The following ZNF683 variants were observed in gnomAD, a reference collection of about 807,000 sequenced individuals.
ZNF683 encodes the protein tissue-resident T-cell transcription regulator protein ZNF683.
ZNF683 carries 20 observed loss-of-function variants against 31.4 expected under a neutral mutation model. That is an observed-to-expected ratio of 0.64 (90% CI 0.45 to 0.93). ZNF683 has a LOEUF of 0.93. Among genes scored for constraint, ZNF683 ranks in the 40% least tolerant of loss-of-function variants. The probability of loss-of-function intolerance (pLI) is 0.00; values close to 1 mark genes in which losing one functional copy is unlikely to be tolerated. For missense variants in ZNF683, 621 were observed against 637.2 expected, an observed-to-expected ratio of 0.97 and a Z score of 0.27; for synonymous variants, 264 against 267.6, an observed-to-expected ratio of 0.99 and a Z score of 0.13.
At position 26,365,054 on chromosome 1, in the gene ZNF683, T is replaced by C. The variant is rs2074486948; in HGVS notation, c.492A>G (p.Arg164=). ...AGAAAGCCAAGGGGCTGGGGCTCTT[T>C]CTGTTCTGCAGCGGTGGTGGGGAAG... The part of the protein sequence containing the change: ...NSSSPPPLQN[R]KSPSPLAFCP... The change falls in exon 4 of 6, where the codon AGA becomes AGG. Residue 164 remains arginine, a synonymous_variant. Transcript: ENST00000349618. The C allele has an allele frequency of 1.9e-6, 3 of 1,604,472 alleles. No homozygotes were observed. The highest frequency in any genetic ancestry group is 2.6e-6 in the Non-Finnish European group (3 of 1,175,924).
intron 3 of ZNF683, among the ~76,000 whole-genome samples, chr1:26,366,005 A>G (rs2074512337): frequency 6.6e-6 from 1 of 151,614 alleles, no homozygotes; most frequent in Admixed American, 6.6e-5. Flanking sequence ...ACATGGAGAA[A>G]CCCCGTCTCT....
In ZNF683 at chr1:26,367,562, G is replaced by A. The variant is rs1396807969; in HGVS notation, c.319+31C>T. ...CCCCCCACCCTCCAGCCTCTGCCAG[G>A]CGCAGGTGCAGCCCGGTGCCCTGGG... On this transcript the variant is annotated intron_variant, in intron 3 of 5. Coordinates refer to ENST00000349618, the MANE Select transcript of ZNF683 (RefSeq NM_001114759.3). The A allele has an allele frequency of 2.0e-6, 3 of 1,521,004 alleles. 1 individual carries two copies. The South Asian group carries it at 3.9e-5, about 20-fold the overall frequency. The allele number at this position is 1,521,004 out of a possible 1,614,324, so 94.2% of individuals were successfully genotyped here.
rs761434484 is a variant in ZNF683, at chr1:26,362,056, C to T, written c.1144-34G>A. ...AACGAGCACTGGCATCAGCTTTGTC[C>T]TCTGGGCTGGCTCAGGCATTCTACT... On this transcript the variant is annotated intron_variant, in intron 5 of 5. Transcript: ENST00000349618. 1.9e-5 allele frequency: 31 copies of T among 1,614,022 alleles called. No individual in the cohort carries two copies. In the East Asian group the frequency reaches 6.9e-4, roughly 36 times the overall value.
chr1:26,374,258 C>T, upstream of ZNF683: 1 of 1,304,132 alleles, frequency 7.7e-7, no homozygotes, highest in Non-Finnish European at 1.0e-6. Context: ...TCCTCCCCTC[C>T]AAGGCACTTC....
Position 26,364,623 on chromosome 1 carries a change from G to T in ZNF683, c.923C>A (p.Ala308Asp). The T allele has an allele frequency of 6.2e-7, 1 of 1,614,012 alleles. No individual in the cohort carries two copies. Among genetic ancestry groups the T allele is most frequent in the Non-Finnish European group, 8.5e-7 (1 of 1,179,892 alleles). The change falls in exon 4 of 6, where the codon GCC (alanine) becomes GAC (aspartate). Residue 308 changes from alanine (A) to aspartate (D), a missense_variant. Physicochemically the swap from Ala to Asp is moderately radical, Grantham distance 126 (BLOSUM62 -2). Coordinates refer to ENST00000349618, the MANE Select transcript of ZNF683 (RefSeq NM_001114759.3). ...VPLSSQTGTA[A>D]LPYPLKKKNG... ...CTTCTTTTTCAGCGGGTAAGGCAAG[G>T]CTGCGGTGCCTGTCTGGGAACTCAA... is the stretch of plus-strand genomic sequence containing the variant.
chr1:26,363,737 G>GAAAA lies in ZNF683; in HGVS notation c.1015-587_1015-584dup, dbSNP rs61027154. ...GGGCGACAGAATGAGACTCCATATGGAAAAAAAAAAAAAAAAAAAAGATAA... is the reference window on the plus strand; with the variant it reads ...GGGCGACAGAATGAGACTCCATATGGAAAAAAAAAAAAAAAAAAAAAAAAGATAA... On this transcript the variant is annotated intron_variant, in intron 4 of 5. Coordinates refer to ENST00000349618, the MANE Select transcript of ZNF683 (RefSeq NM_001114759.3). Among the ~76,000 whole-genome samples, 16 of 134,942 alleles carry GAAAA rather than the reference G, an allele frequency of 1.2e-4. No individual in the cohort carries two copies. In the South Asian group the frequency reaches 1.5e-3, roughly 12 times the overall value. The allele number at this position is 134,942 out of a possible 152,430, so 88.5% of individuals were successfully genotyped here. A position where few individuals can be genotyped will look rare whatever the true frequency, so the allele number is the denominator to read the frequency against.
At chr1:26,372,312 A>G in intron 1 of ZNF683, among the ~76,000 whole-genome samples, 1 of 152,022 alleles carries the variant, frequency 6.6e-6, no homozygotes, top group East Asian at 1.9e-4. Context: ...TCCTCTGTCT[A>G]CTCATTTTGG....
Position 26,369,525 on chromosome 1 carries a change from G to A in ZNF683, c.-14-940C>T, listed in dbSNP as rs553704116. Among the ~76,000 whole-genome samples, 161 of 151,960 alleles carry A rather than the reference G, an allele frequency of 1.1e-3. 1 individual carries two copies. Among genetic ancestry groups the A allele is most frequent in the Non-Finnish European group, 1.9e-3 (131 of 67,922 alleles). On this transcript the variant is annotated intron_variant, in intron 1 of 5. Transcript: ENST00000349618. ...TCTACCAAAACTACATAAATTAGCC[G>A]GGTGTGGTGGCGCACGCCTGTAATC... is the stretch of plus-strand genomic sequence containing the variant.
intron 1 of ZNF683, among the ~76,000 whole-genome samples, chr1:26,369,323 G>A (rs1342599250): frequency 3.3e-5 from 5 of 151,472 alleles, no homozygotes; most frequent in South Asian, 2.1e-4. Context: ...TCAGGAGTTC[G>A]AGACCAGCCT....
In ZNF683 at chr1:26,364,808, G is replaced by A; in HGVS notation, c.738C>T (p.Pro246=). ...LLMMVNELGH[P]SARWETLLPY... is the part of the protein sequence containing the mutation. Reference sequence around the variant, plus strand: ...GAAGCAGGGTCTCCCACCGAGCGCTGGGGTGCCCCAGCTCATTGACCATCA... The same window carrying A: ...GAAGCAGGGTCTCCCACCGAGCGCTAGGGTGCCCCAGCTCATTGACCATCA... Residue 246 remains proline (P), a synonymous_variant, in exon 4 of 6, where the codon CCC becomes CCT. Coordinates refer to ENST00000349618, the MANE Select transcript of ZNF683 (RefSeq NM_001114759.3). 6 of 1,283,528 alleles carry A rather than the reference G, an allele frequency of 4.7e-6. No individual in the cohort carries two copies. The highest frequency in any genetic ancestry group is 6.3e-6 in the Non-Finnish European group (6 of 954,420). The allele number at this position is 1,283,528 out of a possible 1,614,324, so 79.5% of individuals were successfully genotyped here.
At position 26,364,934 on chromosome 1, in the gene ZNF683, G is replaced by A. The variant is rs1468483928; in HGVS notation, c.612C>T (p.His204=). 6.4e-7 allele frequency: 1 copy of A among 1,554,510 alleles called. No individual in the cohort carries two copies. The highest frequency in any genetic ancestry group is 8.7e-7 in the Non-Finnish European group (1 of 1,153,912). ...AAGGTAGGGCCCCATAGGTGAACAG[G>A]TGGGGTGGAGGCAGGAGAAGTGGGT... ...PGYPLLLPPP[H]LFTYGALPSD... The change falls in exon 4 of 6, where the codon CAC becomes CAT. Residue 204 remains histidine, a synonymous_variant. Transcript: ENST00000349618.
rs534531990 is a variant in ZNF683, at chr1:26,363,026, C to T, written c.1143G>A (p.Ser381=). Residue 381 remains serine (S), a splice_region_variant and synonymous_variant, in exon 5 of 6, where the codon TCG becomes TCA. Transcript: ENST00000349618. ...CATAGTAGGGGGAGAAGGATCTCAC[C>T]GAGCACTTGTGGGGCCGCTCCCCAG... The part of the protein sequence containing the change: ...VHTGERPHKC[S]VCHKRFSSSS... 6.0e-5 allele frequency: 96 copies of T among 1,608,654 alleles called. 1 individual carries two copies. In the South Asian group the frequency reaches 8.0e-4, roughly 13 times the overall value.
In ZNF683 at chr1:26,365,034, GC is replaced by G. The variant is rs746527844; in HGVS notation, c.511del (p.Ala171LeufsTer67). On this transcript the variant is annotated frameshift_variant, in exon 4 of 6. Coordinates refer to ENST00000349618, the MANE Select transcript of ZNF683 (RefSeq NM_001114759.3). LOFTEE classifies it high-confidence loss of function. Reference sequence around the variant, plus strand: ...GTTGACAGGGGGACAGGGGCAGAAAGCCAAGGGGCTGGGGCTCTTTCTGTTC... The same window carrying G: ...GTTGACAGGGGGACAGGGGCAGAAAGCAAGGGGCTGGGGCTCTTTCTGTTC... ...LQNRKSPSPL[A>X]FCPCPPVNSI... is the part of the protein sequence containing the mutation. The G allele has an allele frequency of 1.3e-6, 2 of 1,594,184 alleles. No homozygotes were observed. The highest frequency in any genetic ancestry group is 2.3e-5 in the South Asian group (2 of 87,738).
Position 26,367,663 on chromosome 1 carries a change from G to A in ZNF683, c.249C>T (p.Asn83=). The A allele has an allele frequency of 1.2e-6, 2 of 1,612,902 alleles. No individual in the cohort carries two copies. The highest frequency in any genetic ancestry group is 8.5e-7 in the Non-Finnish European group (1 of 1,179,752). The change falls in exon 3 of 6, where the codon AAC becomes AAT. Residue 83 remains asparagine, a synonymous_variant. Coordinates refer to ENST00000349618, the MANE Select transcript of ZNF683 (RefSeq NM_001114759.3). ...GGGGTGCCGGCTGTGGGGTGCACAG[G>A]TTCAGGTCCAGGTCCTGTAGGCAGG... is the stretch of plus-strand genomic sequence containing the variant. The part of the protein sequence containing the change: ...LLACLQDLDL[N]LCTPQPAPLG...
Position 26,364,861 on chromosome 1 carries a change from G to A in ZNF683, c.685C>T (p.Pro229Ser). 4 of 1,556,274 alleles carry A rather than the reference G, an allele frequency of 2.6e-6. No individual in the cohort carries two copies. The highest frequency in any genetic ancestry group is 3.5e-6 in the Non-Finnish European group (4 of 1,152,406). ...LLMLPQDPSY[P>S]TMAMPSLLMM... is the part of the protein sequence containing the mutation. ...AGCAGGCTAGGCATAGCCATGGTGG[G>A]GTAGGAGGGGTCTTGGGGCAGCATG... Residue 229 changes from proline to serine, a missense_variant, in exon 4 of 6, where the codon CCC becomes TCC. Coordinates refer to ENST00000349618, the MANE Select transcript of ZNF683 (RefSeq NM_001114759.3).
chr1:26,365,329 C>A, intron 3 of ZNF683, 103 bp from the exon 4 acceptor site: 3 of 1,202,848 alleles, frequency 2.5e-6, no homozygotes, highest in East Asian at 2.6e-5. Context: ...CTCCAGCCTG[C>A]GAGCCTGCTA....
chr1:26,372,745 G>T lies in ZNF683; in HGVS notation c.-91C>A. On this transcript the variant is annotated 5_prime_UTR_variant, in exon 1 of 6. Transcript: ENST00000349618. The stretch of plus-strand genomic sequence containing the variant: ...ATCTGCTCAGGTTCCTCAGTTAGAA[G>T]ACCATGGTCCTCCCTTTGTGCTACC... 1 of 1,219,086 alleles carries T rather than the reference G, an allele frequency of 8.2e-7. No homozygotes were observed. Among genetic ancestry groups the T allele is most frequent in the Non-Finnish European group, 1.0e-6 (1 of 955,036 alleles). The allele number at this position is 1,219,086 out of a possible 1,614,324, so 75.5% of individuals were successfully genotyped here. A position where few individuals can be genotyped will look rare whatever the true frequency, so the allele number is the denominator to read the frequency against.
At position 26,364,193 on chromosome 1, in the gene ZNF683, T is replaced by A. The variant is rs144532813; in HGVS notation, c.1014+339A>T. The stretch of plus-strand genomic sequence containing the variant: ...AGTCCAGAAAGGATGGTTGTCCAGG[T>A]AAGGGCTTTCTTTGCCCAGAGCAAA... On this transcript the variant is annotated intron_variant, in intron 4 of 5. Transcript: ENST00000349618. 8.8e-3 allele frequency among the ~76,000 whole-genome samples: 1,342 copies of A among 152,336 alleles called. 20 individuals are homozygous for A. Among genetic ancestry groups the A allele is most frequent in the African/African-American group, 0.031 (1,282 of 41,572 alleles).
At chr1:26,374,356 T>C, upstream of ZNF683, 1 of 1,294,248 alleles carries the variant, frequency 7.7e-7, no homozygotes, top group Non-Finnish European at 1.0e-6. Context: ...TTGCACAACC[T>C]CTCTGTTAGA....
Sources: gnomAD v4.1 joint callset for allele counts (sites outside exome capture counted in the v4.1 genomes callset) on GRCh38, gnomAD v4.1.1 for gene constraint, MANE v1.5 for transcripts, NCBI Gene and HGNC (gene_info 2026-07-23, HGNC 2026-07-21) for gene names.